The following SPHKAP variants were observed in gnomAD, a reference collection of about 807,000 sequenced individuals.
SPHKAP encodes SPHK1 interactor, AKAP domain containing, also known as A-kinase anchor protein SPHKAP.
In SPHKAP, 67 loss-of-function variants were observed where a neutral mutation model predicts 137.5. The observed-to-expected ratio is 0.49, with a 90% confidence interval of 0.40 to 0.60. SPHKAP has a LOEUF of 0.60. SPHKAP is among the 20% of genes least tolerant of loss of function. The probability of loss-of-function intolerance (pLI) is 0.00; values close to 1 mark genes in which losing one functional copy is unlikely to be tolerated. For missense variants in SPHKAP, 2,097 were observed against 2,069.3 expected, an observed-to-expected ratio of 1.01 and a Z score of -0.26; for synonymous variants, 813 against 785.3, an observed-to-expected ratio of 1.04 and a Z score of -0.59.
intron 3 of SPHKAP, among the ~76,000 whole-genome samples, chr2:228,059,674 T>A (rs1036321178): frequency 2.6e-5 from 4 of 152,200 alleles, no homozygotes; most frequent in Non-Finnish European, 5.9e-5. Context: ...CAAAAAGCAT[T>A]CATTCAGATG....
chr2:228,111,222 A>T (rs143700380), intron 2 of SPHKAP, among the ~76,000 whole-genome samples: 260 of 152,120 alleles, frequency 1.7e-3, no homozygotes, highest in African/African-American at 5.9e-3. Flanking sequence ...TACTGGTCTA[A>T]CTGAGTTGAA....
At chr2:227,982,414 G>A (rs1693034854) in intron 11 of SPHKAP, 2 of 967,414 alleles carry the variant, frequency 2.1e-6, no homozygotes, top group South Asian at 9.6e-5. Flanking sequence ...CACAGGATCA[G>A]GAAAGATGGA....
intron 11 of SPHKAP, among the ~76,000 whole-genome samples, chr2:227,982,862 A>C (rs976445413): frequency 2.0e-5 from 3 of 152,204 alleles, no homozygotes; most frequent in Non-Finnish European, 4.4e-5. Flanking sequence ...GGCTCCATGC[A>C]TATTTGCTGA....
At chr2:228,133,032 C>T (rs1256285230) in intron 1 of SPHKAP, among the ~76,000 whole-genome samples, 4 of 151,820 alleles carry the variant, frequency 2.6e-5, no homozygotes, top group African/African-American at 9.7e-5. Flanking sequence ...AAAGGCCGGG[C>T]ATGGTGGCTC....
At chr2:228,168,995 T>C (rs916263358) in intron 1 of SPHKAP, among the ~76,000 whole-genome samples, 1 of 152,190 alleles carries the variant, frequency 6.6e-6, no homozygotes, top group African/African-American at 2.4e-5. Flanking sequence ...CAACATTCCC[T>C]TAAGGCAAAG....
rs773520325 is a variant in SPHKAP at position 227,991,102 on chromosome 2, A to G, written c.4857T>C (p.Cys1619=). 6.2e-7 allele frequency: 1 copy of G among 1,614,060 alleles called. No individual in the cohort carries two copies. The highest frequency in any genetic ancestry group is 2.2e-5 in the East Asian group (1 of 44,844). The change falls in exon 11 of 12, where the codon TGT becomes TGC. Residue 1619 remains cysteine (C), a synonymous_variant. Transcript: ENST00000392056. ...LVINFDLEPE[C]PDAELRATLQ... ...GAGTGGCTCGGAGCTCGGCATCTGG[A>G]CACTCTGGCTCCAGGTCAAAGTTGA...
intron 3 of SPHKAP, among the ~76,000 whole-genome samples, chr2:228,062,797 C>T (rs1409598625): frequency 6.6e-6 from 1 of 152,088 alleles, no homozygotes; most frequent in Non-Finnish European, 1.5e-5. Context: ...AGAAAAGAAA[C>T]ATAATGAATC....
intron 1 of SPHKAP, among the ~76,000 whole-genome samples, chr2:228,178,401 A>G (rs143715921): frequency 3.3e-5 from 5 of 152,342 alleles, no homozygotes; most frequent in Admixed American, 6.5e-5. Flanking sequence ...TTAATATATT[A>G]GATAACACTT....
chr2:228,092,408 CATATAT>C (rs745807609), intron 3 of SPHKAP, among the ~76,000 whole-genome samples: 4,756 of 104,066 alleles, frequency 0.046, 281 homozygotes, highest in South Asian at 0.065. Flanking sequence ...CACATATACA[CATATAT>C]ACATATATAC....
At chr2:228,110,357 TATC>T (rs1451017936) in intron 2 of SPHKAP, among the ~76,000 whole-genome samples, 2 of 152,050 alleles carry the variant, frequency 1.3e-5, no homozygotes, top group Non-Finnish European at 2.9e-5. Context: ...CATATCAAAA[TATC>T]ATTTATTATA....
chr2:228,010,372 C>T (rs941768113), intron 7 of SPHKAP, among the ~76,000 whole-genome samples: 24 of 152,028 alleles, frequency 1.6e-4, no homozygotes, highest in African/African-American at 4.6e-4. Context: ...ACTAAAAATA[C>T]GAAAGAAAAA....
chr2:227,981,617 G>A lies in SPHKAP; in HGVS notation c.*100C>T, dbSNP rs1692996527. 1 of 1,424,904 alleles carries A rather than the reference G, an allele frequency of 7.0e-7. No individual in the cohort carries two copies. The highest frequency in any genetic ancestry group is 9.4e-7 in the Non-Finnish European group (1 of 1,059,686). The allele number at this position is 1,424,904 out of a possible 1,614,324, so 88.3% of individuals were successfully genotyped here. A position where few individuals can be genotyped will look rare whatever the true frequency, so the allele number is the denominator to read the frequency against. On this transcript the variant is annotated 3_prime_UTR_variant, in exon 12 of 12. Transcript: ENST00000392056. ...GATTTTTTTTTATAGTTCTGCTAAT[G>A]TGATGTGATGTTTTGAGAATGTTTA...
chr2:228,034,045 G>A (rs1695468703), intron 3 of SPHKAP, among the ~76,000 whole-genome samples: 1 of 152,150 alleles, frequency 6.6e-6, no homozygotes, highest in Non-Finnish European at 1.5e-5. Context: ...AGAACTGAAG[G>A]AAATAGAGAC....
intron 2 of SPHKAP, among the ~76,000 whole-genome samples, chr2:228,114,590 A>G (rs1009036366): frequency 6.6e-6 from 1 of 152,178 alleles, no homozygotes; most frequent in Non-Finnish European, 1.5e-5. Flanking sequence ...TAAGGATCAA[A>G]TGAGAACATG....
At chr2:228,065,662 T>A (rs776076823) in intron 3 of SPHKAP, among the ~76,000 whole-genome samples, 5 of 152,226 alleles carry the variant, frequency 3.3e-5, no homozygotes, top group African/African-American at 7.2e-5. Context: ...TTAAGGCTAC[T>A]ACTGCTGATG....
intron 3 of SPHKAP, among the ~76,000 whole-genome samples, chr2:228,061,275 T>G (rs1696624341): frequency 6.6e-6 from 1 of 152,032 alleles, no homozygotes; most frequent in South Asian, 2.1e-4. Context: ...ATTTTTTATT[T>G]TTTTGAGATG....
intron 1 of SPHKAP, among the ~76,000 whole-genome samples, chr2:228,140,904 G>T (rs991195237): frequency 5.9e-5 from 9 of 152,076 alleles, no homozygotes; most frequent in African/African-American, 2.2e-4. Context: ...AGAAGCAGAT[G>T]CCAGTGTTAT....
At chr2:228,072,231 T>C (rs72973759) in intron 3 of SPHKAP, among the ~76,000 whole-genome samples, 12,944 of 152,258 alleles carry the variant, frequency 0.085, 613 homozygotes, top group Middle Eastern at 0.19. Flanking sequence ...CTGGCTTTCC[T>C]GGGTCTACAG....
intron 1 of SPHKAP, among the ~76,000 whole-genome samples, chr2:228,154,579 C>T (rs1208011068): frequency 5.1e-5 from 5 of 97,502 alleles, no homozygotes; most frequent in Admixed American, 3.0e-4. Flanking sequence ...GATGGAGTCT[C>T]GCTCTGTCAC....
Sources: gnomAD v4.1 joint callset for allele counts (sites outside exome capture counted in the v4.1 genomes callset) on GRCh38, gnomAD v4.1.1 for gene constraint, MANE v1.5 for transcripts, NCBI Gene and HGNC (gene_info 2026-07-23, HGNC 2026-07-21) for gene names.